Variants in OSBPL8 observed in about 807,000 individuals in gnomAD.
OSBPL8 encodes oxysterol binding protein like 8, also known as oxysterol-binding protein-related protein 8.
A neutral mutation model predicts 125.5 loss-of-function variants in OSBPL8; 59 were observed. The observed-to-expected ratio is 0.47, with a 90% CI of 0.38 to 0.58. The LOEUF (loss-of-function observed/expected upper bound fraction) is 0.58, where lower values mean the gene tolerates loss of function less well. Among genes scored for constraint, OSBPL8 ranks in the 20% least tolerant of loss-of-function variants. OSBPL8 has a pLI of 0.00. For missense variants in OSBPL8, 758 were observed against 1,047.8 expected, an observed-to-expected ratio of 0.72 and a Z score of 3.82; for synonymous variants, 330 against 338.9, an observed-to-expected ratio of 0.97 and a Z score of 0.29.
intron 19 of OSBPL8, 96 bp from the exon 20 acceptor site, chr12:76,369,918 G>T: frequency 8.5e-7 from 1 of 1,181,576 alleles, no homozygotes; most frequent in Non-Finnish European, 1.2e-6. Context: ...AGAAAATAAT[G>T]CTCACATGAA....
chr12:76,369,542 T>C, intron 20 of OSBPL8, 95 bp downstream of exon 20: 1 of 1,403,174 alleles, frequency 7.1e-7, no homozygotes, highest in Non-Finnish European at 9.6e-7. Context: ...ATGGTTTAAT[T>C]AAATAAAAAC....
intron 4 of OSBPL8, among the ~76,000 whole-genome samples, chr12:76,449,878 T>C (rs1465940672): frequency 6.6e-6 from 1 of 152,196 alleles, no homozygotes; most frequent in African/African-American, 2.4e-5. Flanking sequence ...GCGTTTCAGA[T>C]TCCAGATTGC....
At chr12:76,528,698 C>T (rs1375156542) in intron 1 of OSBPL8, among the ~76,000 whole-genome samples, 4 of 151,710 alleles carry the variant, frequency 2.6e-5, no homozygotes, top group Admixed American at 2.6e-4. Context: ...ACCCACACAA[C>T]GATATAGCTA....
rs755571453 is a variant in OSBPL8, at chr12:76,355,915, C to G, written c.2644G>C (p.Val882Leu). Residue 882 changes from valine (V) to leucine (L), a missense_variant, in exon 24 of 24, where the codon GTC (valine) becomes CTC (leucine). Val to Leu is a conservative substitution (Grantham distance 32). Around this residue, in one of 3 missense-constraint regions of OSBPL8, gnomAD observed 572 missense variants for 762.0 expected, o/e 0.75. Transcript: ENST00000261183. Reference sequence around the variant, plus strand: ...TACTTGAACATGAAGTTTATTATGACTTGAAGCAAAATCAGGAGGAAAATG... The same window carrying G: ...TACTTGAACATGAAGTTTATTATGAGTTGAAGCAAAATCAGGAGGAAAATG... ...FIIFLLILLQVIINFMFK is the reference protein window; with the variant it reads ...FIIFLLILLQLIINFMFK The G allele has an allele frequency of 6.2e-7, 1 of 1,613,474 alleles. No individual in the cohort carries two copies. The highest frequency in any genetic ancestry group is 1.1e-5 in the South Asian group (1 of 91,016).
chr12:76,502,964 T>G (rs1421574093), intron 1 of OSBPL8, among the ~76,000 whole-genome samples: 1 of 152,220 alleles, frequency 6.6e-6, no homozygotes, highest in Non-Finnish European at 1.5e-5. Context: ...TGACTTTATT[T>G]CATAGCATTT....
intron 1 of OSBPL8, among the ~76,000 whole-genome samples, chr12:76,523,905 AAG>A (rs1433093886): frequency 9.2e-5 from 14 of 152,238 alleles, no homozygotes; most frequent in Non-Finnish European, 1.8e-4. Context: ...TCAAAAAACA[AAG>A]AAATTATGAA....
chr12:76,450,968 C>A lies in OSBPL8; in HGVS notation c.100G>T (p.Glu34Ter). 2.5e-6 allele frequency: 4 copies of A among 1,613,552 alleles called. No individual in the cohort carries two copies. The highest frequency in any genetic ancestry group is 2.5e-6 in the Non-Finnish European group (3 of 1,179,806). Residue 34 changes from glutamate (E) to a stop codon, truncating the protein, a stop_gained, in exon 4 of 24, where the codon GAA (glutamate) becomes TAA (stop). Transcript: ENST00000261183. LOFTEE classifies it high-confidence loss of function. Reference protein sequence around the residue: ...GPSTVVANSDESQLLTPGKMS... With the variant: ...GPSTVVANSD ...TTTCCTGGTGTCAGAAGCTGAGATT[C>A]GTCACTGTTTGCTACAACAGCTCAA...
intron 3 of OSBPL8, among the ~76,000 whole-genome samples, chr12:76,457,453 A>G (rs1304003128): frequency 6.6e-6 from 1 of 151,980 alleles, no homozygotes; most frequent in Non-Finnish European, 1.5e-5. Flanking sequence ...CCTTTCCTTT[A>G]TTTTTTCTAT....
In OSBPL8 at chr12:76,463,666, G is replaced by A. The variant is rs148489372; in HGVS notation, c.43-3771C>T. ...AGAATCACACTCAAGCACTGCAAAT[G>A]CAAAGCTGAAACACAATGAAAAATA... On this transcript the variant is annotated intron_variant, in intron 2 of 23. Coordinates refer to ENST00000261183, the MANE Select transcript of OSBPL8 (RefSeq NM_020841.5). Among the ~76,000 whole-genome samples, 329 of 152,258 alleles carry A rather than the reference G, an allele frequency of 2.2e-3. 2 individuals are homozygous for A. The highest frequency in any genetic ancestry group is 7.3e-3 in the African/African-American group (304 of 41,558).
chr12:76,442,155 A>T (rs1338070942), intron 4 of OSBPL8, among the ~76,000 whole-genome samples: 2 of 152,184 alleles, frequency 1.3e-5, no homozygotes, highest in Non-Finnish European at 2.9e-5. Context: ...GAAACAATTA[A>T]TAAGGCCGGG....
intron 1 of OSBPL8, among the ~76,000 whole-genome samples, chr12:76,529,679 C>A (rs1197711840): frequency 2.0e-5 from 3 of 152,110 alleles, no homozygotes; most frequent in Non-Finnish European, 4.4e-5. Context: ...AGAATAGGCT[C>A]ATTATTCAAA....
In OSBPL8 at chr12:76,450,889, T is replaced by C. The variant is rs1372488790; in HGVS notation, c.179A>G (p.His60Arg). The C allele has an allele frequency of 8.7e-6, 14 of 1,613,654 alleles. No homozygotes were observed. The highest frequency in any genetic ancestry group is 1.7e-5 in the Admixed American group (1 of 59,956). ...ACTTGCTGGACTAAGAGATGGCTGA[T>C]GCAAATCTTTGGTTGGCGTTGGATA... Reference protein sequence around the residue: ...EAYPTPTKDLHQPSLSPASPH... With the variant: ...EAYPTPTKDLRQPSLSPASPH... Residue 60 changes from histidine (H) to arginine (R), a missense_variant, in exon 4 of 24, where the codon CAT becomes CGT. Coordinates refer to ENST00000261183, the MANE Select transcript of OSBPL8 (RefSeq NM_020841.5).
At chr12:76,478,198 T>C (rs1008234013) in intron 2 of OSBPL8, among the ~76,000 whole-genome samples, 3 of 151,242 alleles carry the variant, frequency 2.0e-5, no homozygotes, top group African/African-American at 7.3e-5. Flanking sequence ...CGAGACTCCA[T>C]CTAAAAAAAA....
intron 1 of OSBPL8, among the ~76,000 whole-genome samples, chr12:76,507,213 C>T (rs1157372599): frequency 6.6e-6 from 1 of 151,550 alleles, no homozygotes; most frequent in East Asian, 1.9e-4. Context: ...CTATACTTAC[C>T]CTAACAAAGT....
chr12:76,553,455 G>C (rs1236180534), intron 1 of OSBPL8, among the ~76,000 whole-genome samples: 2 of 151,464 alleles, frequency 1.3e-5, no homozygotes, highest in South Asian at 2.1e-4. Context: ...TTTGAGGCTA[G>C]GGGTTCAAGA....
At chr12:76,483,132 C>G (rs1340411750) in intron 2 of OSBPL8, among the ~76,000 whole-genome samples, 1 of 151,872 alleles carries the variant, frequency 6.6e-6, no homozygotes, top group South Asian at 2.1e-4. Context: ...TGGTGGCGCT[C>G]GCCTGTAGTC....
intron 2 of OSBPL8, among the ~76,000 whole-genome samples, chr12:76,461,482 G>A (rs1055590270): frequency 1.3e-5 from 2 of 152,018 alleles, no homozygotes; most frequent in African/African-American, 2.4e-5. Flanking sequence ...GTAGAGTCTC[G>A]CTCTGTTGCC....
intron 1 of OSBPL8, among the ~76,000 whole-genome samples, chr12:76,558,592 T>C (rs1951180542): frequency 6.6e-6 from 1 of 152,236 alleles, no homozygotes; most frequent in South Asian, 2.1e-4. Flanking sequence ...AGTTTACCCA[T>C]CTGTTTACGT....
chr12:76,488,189 C>T (rs922849768), intron 1 of OSBPL8, among the ~76,000 whole-genome samples: 2 of 152,040 alleles, frequency 1.3e-5, no homozygotes, highest in Admixed American at 6.5e-5. Context: ...TGGCTAGAAG[C>T]TTCCTTAAAT....
Sources: allele counts gnomAD v4.1 joint callset (sites outside exome capture counted in the v4.1 genomes callset), GRCh38; gene constraint gnomAD v4.1.1; regional missense constraint gnomAD v4.1.1; transcripts MANE v1.5; gene names NCBI Gene and HGNC (gene_info 2026-07-23, HGNC 2026-07-21).